The following ARHGEF28 variants were observed in gnomAD, a reference collection of about 807,000 sequenced individuals.
ARHGEF28 encodes 190 kDa guanine nucleotide exchange factor.
In ARHGEF28, 152 loss-of-function variants were observed where a neutral mutation model predicts 206.6. The ratio of observed to expected loss-of-function variants is 0.74; its 90% CI spans 0.64 to 0.84. ARHGEF28 has a LOEUF of 0.84. Among genes scored for constraint, ARHGEF28 ranks in the 40% least tolerant of loss-of-function variants. ARHGEF28 has a pLI of 0.00. For synonymous variants in ARHGEF28, 763 were observed against 776.4 expected, an observed-to-expected ratio of 0.98 and a Z score of 0.29; for missense variants, 2,028 against 2,073.2, an observed-to-expected ratio of 0.98 and a Z score of 0.42.
rs570306386 is a variant in ARHGEF28 at position 73,671,365 on chromosome 5, C to T, written c.-11-13476C>T. 1.1e-4 allele frequency among the ~76,000 whole-genome samples: 16 copies of T among 152,162 alleles called. No homozygotes were observed. In the East Asian group the frequency reaches 3.1e-3, roughly 29 times the overall value. On this transcript the variant is annotated intron_variant, in intron 1 of 35. Transcript: ENST00000513042. ...GACATTGCCAGATTGCTACCTTAAA[C>T]GTTGATAGATTGAAGAGCTACTCCA... is the stretch of plus-strand genomic sequence containing the variant.
At chr5:73,738,244 G>A (rs898975183) in intron 2 of ARHGEF28, among the ~76,000 whole-genome samples, 1 of 152,150 alleles carries the variant, frequency 6.6e-6, no homozygotes, top group African/African-American at 2.4e-5. Context: ...GTATTCGATG[G>A]AAGGTGACCA....
At chr5:73,717,409 A>G (rs762014926) in intron 2 of ARHGEF28, among the ~76,000 whole-genome samples, 136 of 152,174 alleles carry the variant, frequency 8.9e-4, no homozygotes, top group East Asian at 1.7e-3. Flanking sequence ...TCTTCTTCAC[A>G]TTGTAGCCAA....
chr5:73,702,873 G>A (rs181449424), intron 2 of ARHGEF28, among the ~76,000 whole-genome samples: 7 of 152,292 alleles, frequency 4.6e-5, no homozygotes, highest in Admixed American at 1.3e-4. Flanking sequence ...CCCTCAGAGT[G>A]AGATTAAAGT....
At chr5:73,844,910 C>A (rs1239546979) in intron 11 of ARHGEF28, among the ~76,000 whole-genome samples, 2 of 149,672 alleles carry the variant, frequency 1.3e-5, no homozygotes, top group Non-Finnish European at 3.0e-5. Flanking sequence ...GGGTCAAATT[C>A]TTTCCTTTTA....
intron 35 of ARHGEF28, among the ~76,000 whole-genome samples, chr5:73,920,902 G>A (rs901877591): frequency 6.6e-6 from 1 of 152,088 alleles, no homozygotes; most frequent in Admixed American, 6.5e-5. Context: ...ACACATTTAC[G>A]ATTTAATTGT....
At chr5:73,740,023 T>C (rs867605941) in intron 2 of ARHGEF28, among the ~76,000 whole-genome samples, 1 of 125,794 alleles carries the variant, frequency 7.9e-6, no homozygotes, top group African/African-American at 3.0e-5. Flanking sequence ...AAAAAAAAAA[T>C]TTAGCTAGGT....
At chr5:73,879,924 C>A (rs1760800017) in intron 22 of ARHGEF28, among the ~76,000 whole-genome samples, 1 of 152,204 alleles carries the variant, frequency 6.6e-6, no homozygotes, top group South Asian at 2.1e-4. Context: ...AGATCTCCAG[C>A]TGTGTGCTGG....
intron 2 of ARHGEF28, among the ~76,000 whole-genome samples, chr5:73,733,878 G>C (rs549188309): frequency 6.6e-6 from 1 of 152,284 alleles, no homozygotes; most frequent in African/African-American, 2.4e-5. Context: ...GGTTTCTGGG[G>C]AGGCCTCAGA....
intron 2 of ARHGEF28, among the ~76,000 whole-genome samples, chr5:73,732,426 C>T (rs1750675363): frequency 6.6e-6 from 1 of 151,840 alleles, no homozygotes; most frequent in Admixed American, 6.6e-5. Context: ...ATGCTGAATG[C>T]TAACGCTAAT....
Position 73,852,634 on chromosome 5 carries a change from G to A in ARHGEF28, c.1748-16G>A, listed in dbSNP as rs1051971772. On this transcript the variant is annotated splice_polypyrimidine_tract_variant and intron_variant, in intron 13 of 35. Coordinates refer to ENST00000513042, the MANE Select transcript of ARHGEF28 (RefSeq NM_001177693.2). ...TGTGTGCCTTAGTTTTCATTTTATT[G>A]TTCTGTGTCTTGTAGAGCAAAGAGC... 1.9e-6 allele frequency: 3 copies of A among 1,612,854 alleles called. No homozygotes were observed. The highest frequency in any genetic ancestry group is 1.3e-5 in the African/African-American group (1 of 74,970).
chr5:73,718,575 G>A (rs1749729948), intron 2 of ARHGEF28, among the ~76,000 whole-genome samples: 1 of 152,072 alleles, frequency 6.6e-6, no homozygotes, highest in African/African-American at 2.4e-5. Flanking sequence ...TGCAGGCATA[G>A]ACGGTACGTT....
chr5:73,648,069 G>A (rs1744553206), intron 1 of ARHGEF28, among the ~76,000 whole-genome samples: 1 of 152,134 alleles, frequency 6.6e-6, no homozygotes, highest in Admixed American at 6.5e-5. Context: ...TCCATCAAAA[G>A]TTGTAATATT....
intron 3 of ARHGEF28, among the ~76,000 whole-genome samples, chr5:73,751,610 A>G (rs1409990174): frequency 2.6e-5 from 4 of 152,080 alleles, no homozygotes; most frequent in East Asian, 3.9e-4. Context: ...CCTATTTTCA[A>G]AACTTTTTAT....
In ARHGEF28 at chr5:73,883,757, A is replaced by G. The variant is rs779682935; in HGVS notation, c.2938-10A>G. The stretch of plus-strand genomic sequence containing the variant: ...AGAATTTGTGTACATAAAAGTATAT[A>G]TTTTTTAAGCTCCGAAATAGTAATC... On this transcript the variant is annotated splice_polypyrimidine_tract_variant and intron_variant, in intron 23 of 35. Transcript: ENST00000513042. 2.0e-6 allele frequency: 3 copies of G among 1,519,676 alleles called. No homozygotes were observed. The highest frequency in any genetic ancestry group is 2.5e-5 in the East Asian group (1 of 40,568). 94.1% of individuals were successfully genotyped at this position (1,519,676 alleles called of 1,614,324 possible).
intron 23 of ARHGEF28, 28 bp from the exon 24 acceptor site, chr5:73,883,739 G>A (rs1459016601): frequency 2.1e-6 from 3 of 1,418,488 alleles, no homozygotes; most frequent in South Asian, 1.4e-5. Flanking sequence ...GGTAGAATTT[G>A]TGTACATAAA....
At chr5:73,652,705 A>G (rs887874715) in intron 1 of ARHGEF28, among the ~76,000 whole-genome samples, 3 of 152,248 alleles carry the variant, frequency 2.0e-5, no homozygotes, top group African/African-American at 7.2e-5. Flanking sequence ...CAGTAATAAT[A>G]TGTTATACAT....
At chr5:73,813,296 T>G (rs1379316914) in intron 9 of ARHGEF28, among the ~76,000 whole-genome samples, 2 of 152,186 alleles carry the variant, frequency 1.3e-5, no homozygotes, top group Non-Finnish European at 2.9e-5. Flanking sequence ...CCAATGACCT[T>G]TTGAATAAGT....
At chr5:73,647,967 T>G (rs1744546368) in intron 1 of ARHGEF28, among the ~76,000 whole-genome samples, 1 of 152,232 alleles carries the variant, frequency 6.6e-6, no homozygotes, top group Non-Finnish European at 1.5e-5. Flanking sequence ...TTGATACATT[T>G]TAGTTGAGTG....
At chr5:73,828,381 T>A (rs1351686443) in intron 9 of ARHGEF28, among the ~76,000 whole-genome samples, 1 of 152,204 alleles carries the variant, frequency 6.6e-6, no homozygotes, top group African/African-American at 2.4e-5. Flanking sequence ...AGAAAAATAC[T>A]CAAAAGGATG....
Sources: allele counts gnomAD v4.1 joint callset (sites outside exome capture counted in the v4.1 genomes callset), GRCh38; gene constraint gnomAD v4.1.1; transcripts MANE v1.5; gene names NCBI Gene and HGNC (gene_info 2026-07-23, HGNC 2026-07-21).